Variants in CEL observed in about 807,000 individuals in gnomAD.
CEL encodes the protein carboxyl ester lipase, also known as bile salt-activated lipase.
Under a neutral mutation model 57.1 loss-of-function variants are expected in CEL, and 39 were observed. That is an observed-to-expected ratio of 0.68 (90% CI 0.53 to 0.89). The LOEUF (loss-of-function observed/expected upper bound fraction) is 0.89. Ranked by LOEUF, CEL falls within the 40% of genes least tolerant of loss-of-function variation. CEL has a pLI of 0.00. For missense variants in CEL, 698 were observed against 915.0 expected, an observed-to-expected ratio of 0.76 and a Z score of 3.06; for synonymous variants, 314 against 396.6, an observed-to-expected ratio of 0.79 and a Z score of 2.48.
intron 9 of CEL, among the ~76,000 whole-genome samples, chr9:133,069,850 A>G (rs1156279110): frequency 5.3e-5 from 8 of 152,054 alleles, no homozygotes; most frequent in South Asian, 2.1e-4. Context: ...GCATGCCTAT[A>G]ATCCTAGCTA....
chr9:133,062,727 T>C (rs1042787535), intron 1 of CEL, among the ~76,000 whole-genome samples: 1 of 149,952 alleles, frequency 6.7e-6, no homozygotes, highest in African/African-American at 2.5e-5. Flanking sequence ...GTTCCCATTT[T>C]ACAGAAGGGG....
rs757954290 is a variant in CEL, at chr9:133,065,269, C to T, written c.538+32C>T. 1.1e-5 allele frequency: 17 copies of T among 1,606,624 alleles called. 1 individual carries two copies. The South Asian group carries it at 1.2e-4, about 11-fold the overall frequency. ...GGGTGCCTTCGGCCCTGAGGTGGGGCGACCAGCATGCTGAGCCCAGCAGGG... is the reference window on the plus strand; with the variant it reads ...GGGTGCCTTCGGCCCTGAGGTGGGGTGACCAGCATGCTGAGCCCAGCAGGG... On this transcript the variant is annotated intron_variant, in intron 4 of 10. Transcript: ENST00000372080.
chr9:133,063,239 C>G (rs62576768), intron 1 of CEL, among the ~76,000 whole-genome samples: 1 of 132,274 alleles, frequency 7.6e-6, no homozygotes, highest in Non-Finnish European at 1.8e-5. Context: ...GCTGAGAGGC[C>G]TTCGGCAGGT....
rs547695985 is a variant in CEL, at chr9:133,066,665, C to A, written c.669+5C>A. 2 of 1,612,454 alleles carry A rather than the reference C, an allele frequency of 1.2e-6. No individual in the cohort carries two copies. The highest frequency in any genetic ancestry group is 1.7e-6 in the Non-Finnish European group (2 of 1,179,278). On this transcript the variant is annotated splice_donor_5th_base_variant and intron_variant, in intron 5 of 10. Coordinates refer to ENST00000372080, the MANE Select transcript of CEL (RefSeq NM_001807.6). This position sits in a 1 kb window ranked among gnomAD's most constrained non-coding sequence, Gnocchi z 4.3. ...GGTGCCAGCGTCTCTCTGCAGGTCT[C>A]GGGATCCCTGTGGGGAGGGCCTGCC...
chr9:133,071,651 ACGGGTGACTCCGGGGCCCCCCCTGTGC>A lies in CEL; in HGVS notation c.2151_2177del (p.Gly718_Pro726del), dbSNP rs761864808. On this transcript the variant is annotated inframe_deletion, in exon 11 of 11. Transcript: ENST00000372080. ...CTCCGAGACCGCCCCCGTGCCGCCC[ACGGGTGACTCCGGGGCCCCCCCTGTGC>A]CCCCCACGGGTGACTCTGAGGCTGC... 2.3e-5 allele frequency: 35 copies of A among 1,544,058 alleles called. No individual in the cohort carries two copies. The East Asian group carries it at 2.4e-4, about 10-fold the overall frequency.
At chr9:133,064,889 C>A in intron 3 of CEL, 127 bp downstream of exon 3, 1 of 1,540,204 alleles carries the variant, frequency 6.5e-7, no homozygotes, top group South Asian at 1.1e-5. Context: ...GGGAGGGGAG[C>A]GCCCACTGCC....
intron 1 of CEL, 112 bp from the exon 2 acceptor site, chr9:133,064,292 G>T (rs1825659721): frequency 2.1e-6 from 3 of 1,446,892 alleles, no homozygotes; most frequent in African/African-American, 1.4e-5. Flanking sequence ...GAGCTGTCCT[G>T]CTTTGAAGCT....
chr9:133,065,133 A>G lies in CEL; in HGVS notation c.434A>G (p.Tyr145Cys), dbSNP rs780179002. ...HGANFLNNYL[Y>C]DGEEIATRGN... is the part of the protein sequence containing the mutation. ...GCCAACTTCCTCAACAACTACCTGT[A>G]TGACGGCGAGGAGATCGCCACACGC... Residue 145 changes from tyrosine (Y) to cysteine (C), a missense_variant, in exon 4 of 11, where the codon TAT becomes TGT. Physicochemically the swap from Tyr to Cys is radical, Grantham distance 194. This residue lies in a region of CEL where 327 missense variants were observed against 374.1 expected (regional missense o/e 0.87). Transcript: ENST00000372080. The G allele has an allele frequency of 1.9e-6, 3 of 1,613,992 alleles. No homozygotes were observed. Among genetic ancestry groups the G allele is most frequent in the Non-Finnish European group, 8.5e-7 (1 of 1,180,030 alleles).
Position 133,071,633 on chromosome 9 carries a change from ACCGCCCCCGTG to A in CEL, c.2138_2148del (p.Pro713HisfsTer3), listed in dbSNP as rs1564214332. On this transcript the variant is annotated frameshift_variant, in exon 11 of 11. Coordinates refer to ENST00000372080, the MANE Select transcript of CEL (RefSeq NM_001807.6). LOFTEE classifies it high-confidence loss of function. ...CGTGACCCCCACGGGTGACTCCGAG[ACCGCCCCCGTG>A]CCGCCCACGGGTGACTCCGGGGCCC... 7.4e-6 allele frequency: 9 copies of A among 1,223,658 alleles called. No homozygotes were observed. Among genetic ancestry groups the A allele is most frequent in the Admixed American group, 2.4e-5 (1 of 41,818 alleles). The allele number at this position is 1,223,658 out of a possible 1,614,324, so 75.8% of individuals were successfully genotyped here.
chr9:133,066,684 G>T lies in CEL; in HGVS notation c.669+24G>T, dbSNP rs1267965485. 6.2e-7 allele frequency: 1 copy of T among 1,611,076 alleles called. No homozygotes were observed. On this transcript the variant is annotated intron_variant, in intron 5 of 10. Coordinates refer to ENST00000372080, the MANE Select transcript of CEL (RefSeq NM_001807.6). The surrounding 1 kb of genome is among the most constrained non-coding windows in gnomAD (Gnocchi z 4.3). ...AGGTCTCGGGATCCCTGTGGGGAGG[G>T]CCTGCCCCACAGGTTGAGAGGAAGC...
intron 10 of CEL, 139 bp from the exon 11 acceptor site, chr9:133,070,848 C>T (rs1273735593): frequency 1.6e-6 from 2 of 1,223,342 alleles, no homozygotes; most frequent in Non-Finnish European, 2.4e-6. Flanking sequence ...CGTGCACAGC[C>T]AGTGCCCAGT....
rs598333 is a variant in CEL at position 133,071,467 on chromosome 9, G to C, written c.1965G>C (p.Gly655=). 126 of 255,226 alleles carry C rather than the reference G, an allele frequency of 4.9e-4. 1 individual carries two copies. Among genetic ancestry groups the C allele is most frequent in the Admixed American group, 6.4e-4 (8 of 12,480 alleles). 15.8% of individuals were successfully genotyped at this position (255,226 alleles called of 1,614,324 possible). A position where few individuals can be genotyped will look rare whatever the true frequency, so the allele number is the denominator to read the frequency against. Residue 655 remains glycine (G), a synonymous_variant, in exon 11 of 11, where the codon GGG becomes GGC. Coordinates refer to ENST00000372080, the MANE Select transcript of CEL (RefSeq NM_001807.6). Reference sequence around the variant, plus strand: ...CCGTGCCGCCCACGGGTGACTCCGGGGCCCCCCCCGTGCCGCCCACGGGTG... The same window carrying C: ...CCGTGCCGCCCACGGGTGACTCCGGCGCCCCCCCCGTGCCGCCCACGGGTG... ...APPVPPTGDS[G]APPVPPTGDS...
Position 133,064,377 on chromosome 9 carries a change from CT to C in CEL, c.67-26del, listed in dbSNP as rs551163563. ...TCAGGCCGATGGGGCTTGAGCCCCC[CT>C]GACCCTGCCCGTGTCTCCCTCGCAG... On this transcript the variant is annotated intron_variant, in intron 1 of 10. Transcript: ENST00000372080. 1.1e-3 allele frequency: 1,829 copies of C among 1,612,712 alleles called. 23 individuals are homozygous for C. The African/African-American group carries it at 0.022, about 19-fold the overall frequency.
In CEL at chr9:133,067,142, C is replaced by T. The variant is rs757083662; in HGVS notation, c.832C>T (p.Leu278=). Residue 278 remains leucine, a synonymous_variant, in exon 7 of 11, where the codon CTG becomes TTG. Transcript: ENST00000372080. The part of the protein sequence containing the change: ...VGDAARMAQC[L]KVTDPRALTL... Reference sequence around the variant, plus strand: ...TGATGCCGCCAGGATGGCCCAGTGTCTGAAGGTTACTGATCCCCGAGCCCT... The same window carrying T: ...TGATGCCGCCAGGATGGCCCAGTGTTTGAAGGTTACTGATCCCCGAGCCCT... 5.0e-6 allele frequency: 8 copies of T among 1,613,968 alleles called. No homozygotes were observed. In the African/African-American group the frequency reaches 8.0e-5, roughly 16 times the overall value.
At chr9:133,070,423 T>C in intron 9 of CEL, 38 bp from the exon 10 acceptor site, 1 of 1,577,224 alleles carries the variant, frequency 6.3e-7, no homozygotes. Context: ...CGGTCCCCAG[T>C]GAGCACCCTG....
chr9:133,071,835 C>A lies in CEL; in HGVS notation c.*71C>A. ...AGGGGCTCCCCTCCCATCTTGAGCT[C>A]TTCCTGAATAAAGCCTCATACCCCT... On this transcript the variant is annotated 3_prime_UTR_variant, in exon 11 of 11. Transcript: ENST00000372080. 1 of 1,397,036 alleles carries A rather than the reference C, an allele frequency of 7.2e-7. No homozygotes were observed. The highest frequency in any genetic ancestry group is 1.0e-6 in the Non-Finnish European group (1 of 991,202). 86.5% of individuals were successfully genotyped at this position (1,397,036 alleles called of 1,614,324 possible).
chr9:133,066,697 G>A lies in CEL; in HGVS notation c.669+37G>A, dbSNP rs776824509. 5 of 1,606,022 alleles carry A rather than the reference G, an allele frequency of 3.1e-6. No individual in the cohort carries two copies. In the East Asian group the frequency reaches 8.9e-5, roughly 29 times the overall value. On this transcript the variant is annotated intron_variant, in intron 5 of 10. Transcript: ENST00000372080. This position sits in a 1 kb window ranked among gnomAD's most constrained non-coding sequence, Gnocchi z 4.3. Reference sequence around the variant, plus strand: ...CCTGTGGGGAGGGCCTGCCCCACAGGTTGAGAGGAAGCTCAAACGGGAAGG... The same window carrying A: ...CCTGTGGGGAGGGCCTGCCCCACAGATTGAGAGGAAGCTCAAACGGGAAGG...
At chr9:133,067,787 T>A (rs1432515482) in intron 7 of CEL, among the ~76,000 whole-genome samples, 6 of 152,202 alleles carry the variant, frequency 3.9e-5, no homozygotes, top group African/African-American at 1.4e-4. Context: ...CATATAATTT[T>A]AGGGAGACTC....
chr9:133,064,877 C>A, intron 3 of CEL, 115 bp downstream of exon 3: 4 of 1,566,420 alleles, frequency 2.6e-6, no homozygotes, highest in South Asian at 1.1e-5. Flanking sequence ...CCCACAGAGG[C>A]GGGGAGGGGA....
Sources: allele counts gnomAD v4.1 joint callset (sites outside exome capture counted in the v4.1 genomes callset), GRCh38; gene constraint gnomAD v4.1.1; regional missense constraint gnomAD v4.1.1; non-coding constraint Gnocchi (gnomAD v3.1); transcripts MANE v1.5; gene names NCBI Gene and HGNC (gene_info 2026-07-23, HGNC 2026-07-21).